Variants in F11 observed in about 807,000 individuals in gnomAD.
F11 encodes coagualtion factor XI.
F11 carries 78 observed loss-of-function variants against 76.5 expected under a neutral mutation model. The observed-to-expected ratio is 1.02, with a 90% CI of 0.85 to 1.23. F11 has a LOEUF of 1.23. F11 is among the 50% of genes most tolerant of loss of function. The pLI is 0.00. For synonymous variants in F11, 278 were observed against 276.3 expected (o/e 1.01, Z -0.06); for missense variants, 742 against 771.4 (o/e 0.96, Z 0.45).
At chr4:186,284,369 C>T in intron 11 of F11, 109 bp downstream of exon 11, 2 of 1,148,644 alleles carry the variant, frequency 1.7e-6, no homozygotes, top group South Asian at 1.4e-5. Flanking sequence ...GTCTTATTTG[C>T]AAAATTAATT....
At chr4:186,274,847 T>C (rs1296657188) in intron 5 of F11, 2 of 172,190 alleles carry the variant, frequency 1.2e-5, no homozygotes, top group Admixed American at 5.7e-5. Context: ...TTCAGAAATA[T>C]TTGAGATGAT....
intron 2 of F11, among the ~76,000 whole-genome samples, chr4:186,271,198 A>G (rs1200932000): frequency 6.6e-6 from 1 of 152,082 alleles, no homozygotes; most frequent in Non-Finnish European, 1.5e-5. Context: ...GAAAGTGATC[A>G]CTCTGAAGTC....
intron 5 of F11, chr4:186,274,514 A>G: frequency 1.8e-6 from 1 of 550,162 alleles, no homozygotes; most frequent in Non-Finnish European, 3.2e-6. Flanking sequence ...ATACTTGGCT[A>G]ATTTCAAAAG....
intron 11 of F11, among the ~76,000 whole-genome samples, chr4:186,284,718 T>G (rs1221475356): frequency 6.6e-6 from 1 of 151,946 alleles, no homozygotes; most frequent in Admixed American, 6.6e-5. Context: ...GTGGCTGAGG[T>G]GGGAGGATTG....
At chr4:186,284,347 A>G in intron 11 of F11, 87 bp downstream of exon 11, 1 of 1,298,146 alleles carries the variant, frequency 7.7e-7, no homozygotes, top group Non-Finnish European at 1.1e-6. Context: ...AAATACTTTA[A>G]CCAATTAGAT....
chr4:186,287,426 A>G lies in F11; in HGVS notation c.1577-258A>G, dbSNP rs376455952. ...TGGTGAAACCCTGTCTCTACTAAAA[A>G]TACAAAAATTAGCTGGGCATGGTGG... On this transcript the variant is annotated intron_variant, in intron 13 of 14. Transcript: ENST00000403665. Among the ~76,000 whole-genome samples the G allele has an allele frequency of 4.6e-5, 7 of 151,460 alleles. No individual in the cohort carries two copies. In the East Asian group the frequency reaches 8.1e-4, roughly 17 times the overall value.
In F11 at chr4:186,284,195, A is replaced by G. The variant is rs779310675; in HGVS notation, c.1239A>G (p.Arg413=). ...TGCACACAACCTCACCCACTCAGAG[A>G]CACCTGTGTGGAGGCTCCATCATTG... ...VTLHTTSPTQ[R]HLCGGSIIGN... Residue 413 remains arginine (R), a synonymous_variant, in exon 11 of 15, where the codon AGA becomes AGG. Transcript: ENST00000403665. 1 of 1,614,226 alleles carries G rather than the reference A, an allele frequency of 6.2e-7. No individual in the cohort carries two copies. The highest frequency in any genetic ancestry group is 1.7e-5 in the Admixed American group (1 of 60,028).
intron 11 of F11, among the ~76,000 whole-genome samples, chr4:186,284,957 A>G (rs1239136754): frequency 6.6e-6 from 1 of 152,086 alleles, no homozygotes; most frequent in Admixed American, 6.5e-5. Flanking sequence ...CTCTAAGTAA[A>G]TAAATAAAAT....
intron 2 of F11, among the ~76,000 whole-genome samples, chr4:186,268,890 C>T (rs530617725): frequency 1.3e-5 from 2 of 152,154 alleles, no homozygotes; most frequent in East Asian, 3.9e-4. Flanking sequence ...TAGAGAATAG[C>T]AACTTAAGTG....
chr4:186,288,188 A>G (rs1372412202), intron 14 of F11, among the ~76,000 whole-genome samples: 1 of 152,020 alleles, frequency 6.6e-6, no homozygotes, highest in East Asian at 1.9e-4. Context: ...CTGGGATTAC[A>G]GGCGTGAGCC....
chr4:186,271,743 G>A lies in F11; in HGVS notation c.190G>A (p.Glu64Lys). 6.2e-7 allele frequency: 1 copy of A among 1,614,126 alleles called. No individual in the cohort carries two copies. Among genetic ancestry groups the A allele is most frequent in the Non-Finnish European group, 8.5e-7 (1 of 1,180,030 alleles). The change falls in exon 3 of 15, where the codon GAA becomes AAA. Residue 64 changes from glutamate (E) to lysine (K), a missense_variant. Coordinates refer to ENST00000403665, the MANE Select transcript of F11 (RefSeq NM_000128.4). ...ATGTTTACTCTTCACTTTCACGGCG[G>A]AATCACCATCTGAGGATCCCACCCG... Reference protein sequence around the residue: ...PRCLLFTFTAESPSEDPTRWF... With the variant: ...PRCLLFTFTAKSPSEDPTRWF...
chr4:186,284,033 A>G, intron 10 of F11, 59 bp from the exon 11 acceptor site: 1 of 1,613,278 alleles, frequency 6.2e-7, no homozygotes, highest in Non-Finnish European at 8.5e-7. Flanking sequence ...CTGAAGGAGC[A>G]TAATTACTGA....
At chr4:186,283,786 C>A (rs1740970611) in intron 10 of F11, among the ~76,000 whole-genome samples, 2 of 152,162 alleles carry the variant, frequency 1.3e-5, no homozygotes, top group Non-Finnish European at 2.9e-5. Context: ...GGTCTGGAGA[C>A]TGCACTTGAC....
intron 3 of F11, among the ~76,000 whole-genome samples, chr4:186,272,346 C>T (rs974904151): frequency 1.3e-5 from 2 of 152,094 alleles, no homozygotes; most frequent in East Asian, 1.9e-4. Flanking sequence ...AAAAGACATA[C>T]GAAATTTAAC....
chr4:186,272,830 A>G (rs1740077774), intron 3 of F11, among the ~76,000 whole-genome samples: 1 of 152,230 alleles, frequency 6.6e-6, no homozygotes, highest in Non-Finnish European at 1.5e-5. Flanking sequence ...TTTTACCAAC[A>G]GGTCCTAGTT....
At chr4:186,284,402 G>C in intron 11 of F11, 142 bp downstream of exon 11, 1 of 884,528 alleles carries the variant, frequency 1.1e-6, no homozygotes, top group Non-Finnish European at 1.8e-6. Flanking sequence ...GGTAAAAAAC[G>C]CAAAAAGGAA....
chr4:186,281,592 G>T (rs1482312609), intron 10 of F11, among the ~76,000 whole-genome samples: 1 of 152,100 alleles, frequency 6.6e-6, no homozygotes, highest in Non-Finnish European at 1.5e-5. Flanking sequence ...TCCCCAACAG[G>T]AAAGAACACA....
rs764711007 is a variant in F11 at position 186,280,330 on chromosome 4, G to A, written c.973G>A (p.Val325Ile). ...EACQKLCTNA[V>I]RCQFFTYTPA... ...CTGCCAGAAACTGTGCACCAATGCC[G>A]TCCGCTGCCAGTTTTTTACCTATAC... Residue 325 changes from valine (V) to isoleucine (I), a missense_variant, in exon 9 of 15, where the codon GTC (valine) becomes ATC (isoleucine). Transcript: ENST00000403665. The A allele has an allele frequency of 9.3e-6, 15 of 1,614,010 alleles. No homozygotes were observed. The highest frequency in any genetic ancestry group is 1.6e-4 in the Middle Eastern group (1 of 6,082).
chr4:186,267,258 G>A (rs894087964), intron 2 of F11, 67 bp downstream of exon 2: 1 of 965,514 alleles, frequency 1.0e-6, no homozygotes, highest in Non-Finnish European at 1.7e-6. Flanking sequence ...CCACACATGT[G>A]GGAGAATCCC....
Sources: gnomAD v4.1 joint callset for allele counts (sites outside exome capture counted in the v4.1 genomes callset) on GRCh38, gnomAD v4.1.1 for gene constraint, MANE v1.5 for transcripts, NCBI Gene and HGNC (gene_info 2026-07-23, HGNC 2026-07-21) for gene names.